TMPRSS7: variants seen among roughly 807,000 people sequenced by gnomAD.
TMPRSS7 encodes transmembrane serine protease 7.
TMPRSS7 carries 81 observed loss-of-function variants against 95.6 expected under a neutral mutation model. The observed-to-expected ratio is 0.85, with a 90% CI of 0.71 to 1.02. TMPRSS7 has a LOEUF of 1.02. Ranked by LOEUF, TMPRSS7 falls within the 50% of genes least tolerant of loss-of-function variation. The pLI is 0.00. For missense variants in TMPRSS7, 945 were observed against 955.2 expected (o/e 0.99, Z 0.14); for synonymous variants, 364 against 337.8 (o/e 1.08, Z -0.85).
intron 10 of TMPRSS7, among the ~76,000 whole-genome samples, chr3:112,061,498 G>T (rs2073505051): frequency 6.6e-6 from 1 of 152,170 alleles, no homozygotes; most frequent in Admixed American, 6.5e-5. Context: ...TAAAAGGAGA[G>T]AAAACTGGGA....
At chr3:112,050,627 C>A in intron 8 of TMPRSS7, 44 bp from the exon 9 acceptor site, 1 of 1,041,926 alleles carries the variant, frequency 9.6e-7, no homozygotes, top group Non-Finnish European at 1.4e-6. Flanking sequence ...TTTCCATAAT[C>A]TCACAGCTGC....
chr3:112,044,825 C>T (rs930474491), intron 4 of TMPRSS7, among the ~76,000 whole-genome samples: 9 of 151,138 alleles, frequency 6.0e-5, no homozygotes, highest in African/African-American at 2.2e-4. Context: ...CACTGAGAAG[C>T]CTTGGAGTAT....
At chr3:112,061,807 A>G in exon 11 of TMPRSS7, 2 of 1,609,266 alleles carry the variant, frequency 1.2e-6, no homozygotes, top group Non-Finnish European at 1.7e-6. Flanking sequence ...TCCTACATGG[A>G]TCATCAGACA....
exon 9 of TMPRSS7, chr3:112,050,677 A>G (rs763739001): frequency 6.3e-7 from 1 of 1,590,804 alleles, no homozygotes; most frequent in Admixed American, 1.8e-5. Context: ...CCAGAGTGTG[A>G]AAACACAGTG....
intron 3 of TMPRSS7, among the ~76,000 whole-genome samples, chr3:112,042,339 A>T (rs191515147): frequency 6.6e-6 from 1 of 152,304 alleles, no homozygotes; most frequent in Non-Finnish European, 1.5e-5. Context: ...GACCTTTAAA[A>T]CACCTTCCAG....
chr3:112,076,780 C>T, intron 15 of TMPRSS7, 96 bp from the exon 16 acceptor site: 3 of 1,438,866 alleles, frequency 2.1e-6, no homozygotes, highest in Admixed American at 2.1e-5. Flanking sequence ...AAGTCAGGCC[C>T]TTCTTTTTCA....
chr3:112,071,854 T>G (rs1437835600), intron 13 of TMPRSS7, among the ~76,000 whole-genome samples: 10 of 152,100 alleles, frequency 6.6e-5, no homozygotes. Context: ...TGTCTAATCT[T>G]TTTTCAAGGT....
At chr3:112,075,325 C>T (rs753434148) in exon 15 of TMPRSS7, 13 of 1,409,104 alleles carry the variant, frequency 9.2e-6, no homozygotes, top group Middle Eastern at 1.9e-4. Context: ...CCAAAGCCTG[C>T]AGCAGGAGTT....
chr3:112,063,705 T>C (rs1415712647), intron 12 of TMPRSS7, 73 bp downstream of exon 12: 10 of 1,240,588 alleles, frequency 8.1e-6, no homozygotes, highest in East Asian at 7.0e-5. Flanking sequence ...GCTGCTGATA[T>C]ATATCCTTAG....
intron 10 of TMPRSS7, among the ~76,000 whole-genome samples, chr3:112,059,935 A>G (rs888602149): frequency 2.0e-5 from 3 of 152,156 alleles, no homozygotes; most frequent in African/African-American, 4.8e-5. Context: ...GTCATTACCT[A>G]TTGGGGAACC....
chr3:112,036,646 C>T (rs974991705), intron 1 of TMPRSS7, among the ~76,000 whole-genome samples: 7 of 152,076 alleles, frequency 4.6e-5, no homozygotes, highest in African/African-American at 1.4e-4. Flanking sequence ...AACCTCCTAA[C>T]CTTCAAGTCC....
chr3:112,052,386 T>G (rs2073375788), intron 9 of TMPRSS7, among the ~76,000 whole-genome samples: 1 of 151,932 alleles, frequency 6.6e-6, no homozygotes, highest in African/African-American at 2.4e-5. Flanking sequence ...TGCATAGTCA[T>G]AATAGTTAAA....
At chr3:112,052,547 G>T (rs951695070) in intron 9 of TMPRSS7, among the ~76,000 whole-genome samples, 15 of 152,124 alleles carry the variant, frequency 9.9e-5, no homozygotes, top group Admixed American at 3.3e-4. Context: ...CTCACTGCCA[G>T]GTTCTCAAGG....
chr3:112,060,598 C>T (rs574754731), intron 10 of TMPRSS7, among the ~76,000 whole-genome samples: 9 of 152,216 alleles, frequency 5.9e-5, no homozygotes, highest in African/African-American at 1.7e-4. Flanking sequence ...GGCTCACCAG[C>T]GGTCAGAGTT....
chr3:112,038,286 C>T lies in TMPRSS7; in HGVS notation c.263C>T (p.Ala88Val), dbSNP rs114968688. 3,323 of 702,870 alleles carry T rather than the reference C, an allele frequency of 4.7e-3. 12 individuals are homozygous for T. The highest frequency in any genetic ancestry group is 6.0e-3 in the Non-Finnish European group (2,320 of 384,926). 43.5% of individuals were successfully genotyped at this position (702,870 alleles called of 1,614,324 possible). ...TTCACAGTATTTTTATTCATCCTAG[C>T]AGTCATAGCCTGGACACTTCTGTGG... Residue 88 changes from alanine (A) to valine (V), a missense_variant, in exon 2 of 18, where the codon GCA becomes GTA. By Grantham distance (64) the Ala-to-Val change is moderately conservative (BLOSUM62 0). Transcript: ENST00000452346.
Position 112,053,322 on chromosome 3 carries a change from C to T in TMPRSS7, c.1203+2539C>T, listed in dbSNP as rs938799641. Among the ~76,000 whole-genome samples, 7 of 152,182 alleles carry T rather than the reference C, an allele frequency of 4.6e-5. No individual in the cohort carries two copies. The East Asian group carries it at 1.3e-3, about 29-fold the overall frequency. ...ATTTTGAAATTTGCTGAAGAGCAGT[C>T]AACCCCCTTTGCAAACTCACTTCCA... On this transcript the variant is annotated intron_variant, in intron 9 of 17. Transcript: ENST00000452346.
chr3:112,080,966 T>C (rs1222372848), exon 18 of TMPRSS7: 1 of 1,613,708 alleles, frequency 6.2e-7, no homozygotes, highest in East Asian at 2.2e-5. Context: ...GGAAAATGGA[T>C]TTTGACTGGC....
At chr3:112,079,023 T>A (rs1559965696) in intron 17 of TMPRSS7, 145 bp downstream of exon 17, 1 of 926,482 alleles carries the variant, frequency 1.1e-6, no homozygotes, top group East Asian at 2.7e-5. Context: ...TATCATCCAA[T>A]TGCCTAAGAT....
At chr3:112,076,305 T>A (rs563867421) in intron 15 of TMPRSS7, among the ~76,000 whole-genome samples, 51 of 152,256 alleles carry the variant, frequency 3.3e-4, no homozygotes, top group African/African-American at 1.2e-3. Flanking sequence ...GAGGTCAAGA[T>A]TGGGATTCTG....
Sources: allele counts gnomAD v4.1 joint callset (sites outside exome capture counted in the v4.1 genomes callset), GRCh38; gene constraint gnomAD v4.1.1; transcripts MANE v1.5; gene names NCBI Gene and HGNC (gene_info 2026-07-23, HGNC 2026-07-21).